Variants in OTC observed in about 807,000 individuals in gnomAD.
OTC encodes the protein ornithine transcarbamylase, mitochondrial.
Under a neutral mutation model 30.3 loss-of-function variants are expected in OTC, and 3 were observed. The ratio of observed to expected loss-of-function variants is 0.10; its 90% CI spans 0.05 to 0.26. The LOEUF is 0.26. Among genes scored for constraint, OTC ranks in the 10% least tolerant of loss-of-function variants. The pLI is 1.00. For synonymous variants in OTC, 111 were observed against 99.7 expected (o/e 1.11, Z -0.67); for missense variants, 194 against 260.3 (o/e 0.75, Z 1.75).
At chrX:38,422,086 T>G (rs1461114037), downstream of OTC, among the ~76,000 whole-genome samples, 1 of 112,127 alleles carries the variant, frequency 8.9e-6, no homozygotes, top group Non-Finnish European at 1.9e-5. Flanking sequence ...ATAAGTGAAG[T>G]TTTTTTAAAA....
chrX:38,384,652 C>T (rs916674775), intron 4 of OTC, among the ~76,000 whole-genome samples: 7 of 111,753 alleles, frequency 6.3e-5, no homozygotes, highest in Non-Finnish European at 1.9e-5. Flanking sequence ...CTGGCCCTTT[C>T]AAATCAAAAG....
At chrX:38,401,722 G>C (rs1011488521) in intron 5 of OTC, among the ~76,000 whole-genome samples, 14 of 111,507 alleles carry the variant, frequency 1.3e-4, no homozygotes, top group African/African-American at 4.2e-4. Flanking sequence ...TGAATGAATA[G>C]AGAACACTGG....
chrX:38,360,893 T>C (rs755353199), intron 1 of OTC, among the ~76,000 whole-genome samples: 40 of 112,350 alleles, frequency 3.6e-4, no homozygotes, highest in Non-Finnish European at 6.6e-4. Context: ...TCAAAGTCTG[T>C]TGGTGATTGG....
At chrX:38,373,391 T>C (rs1292406478) in intron 3 of OTC, among the ~76,000 whole-genome samples, 2 of 112,799 alleles carry the variant, frequency 1.8e-5, no homozygotes, top group African/African-American at 6.4e-5. Context: ...TCATGCCTCA[T>C]CCACTCTTTG....
the OTC span, among the ~76,000 whole-genome samples, chrX:38,327,967 T>G: frequency 8.9e-6 from 1 of 112,793 alleles, no homozygotes; most frequent in Non-Finnish European, 1.9e-5. Flanking sequence ...AAATGAGTAC[T>G]ATTACAACCC....
In OTC at chrX:38,401,386, G is replaced by T. The variant is rs759911602; in HGVS notation, c.498G>T (p.Leu166Phe). 65 of 1,205,859 alleles carry T rather than the reference G, an allele frequency of 5.4e-5. No individual in the cohort carries two copies. Among genetic ancestry groups the T allele is most frequent in the Admixed American group, 1.1e-4 (5 of 45,704 alleles). Residue 166 changes from leucine to phenylalanine, a missense_variant, in exon 5 of 10, where the codon TTG (leucine) becomes TTT (phenylalanine). Leu to Phe is a conservative substitution (Grantham distance 22). Transcript: ENST00000039007. ...CAATTATCAATGGGCTGTCAGATTT[G>T]TACCATCCTATCCAGATCCTGGCTG... ...SIPIINGLSD[L>F]YHPIQILADY...
the OTC span, among the ~76,000 whole-genome samples, chrX:38,334,804 C>G: frequency 9.0e-6 from 1 of 111,611 alleles, no homozygotes; most frequent in Non-Finnish European, 1.9e-5. Context: ...CTCTACCGGT[C>G]TGGTCCATGG....
intron 4 of OTC, among the ~76,000 whole-genome samples, chrX:38,387,538 G>T (rs1439072200): frequency 1.8e-5 from 2 of 111,514 alleles, no homozygotes; most frequent in African/African-American, 6.5e-5. Context: ...GGTGACTGAA[G>T]GGGAGCACTG....
At chrX:38,390,278 G>A (rs184278038) in intron 4 of OTC, among the ~76,000 whole-genome samples, 1 of 111,968 alleles carries the variant, frequency 8.9e-6, no homozygotes, top group Non-Finnish European at 1.9e-5. Context: ...TTCTTATGTT[G>A]ATATAACTAA....
At chrX:38,344,188 G>A in the OTC span, among the ~76,000 whole-genome samples, 1 of 104,868 alleles carries the variant, frequency 9.5e-6, no homozygotes, top group Non-Finnish European at 1.9e-5. Flanking sequence ...AAAAAATAAA[G>A]TAATTCTCAG....
chrX:38,352,331 A>G (rs191615506), upstream of OTC, among the ~76,000 whole-genome samples: 386 of 111,999 alleles, frequency 3.4e-3, 1 homozygote, highest in Non-Finnish European at 5.8e-3. Flanking sequence ...TCACCTTCAC[A>G]GCAGCCGGTA....
In OTC at chrX:38,380,279, G is replaced by C. The variant is rs1208599972; in HGVS notation, c.299-1063G>C. On this transcript the variant is annotated intron_variant, in intron 3 of 9. Coordinates refer to ENST00000039007, the MANE Select transcript of OTC (RefSeq NM_000531.6). Reference sequence around the variant, plus strand: ...TTCCCCAATTCACCGTGCAATTAATGATTTCTTCCCTGTTTATGGGAAACA... The same window carrying C: ...TTCCCCAATTCACCGTGCAATTAATCATTTCTTCCCTGTTTATGGGAAACA... Among the ~76,000 whole-genome samples, 3 of 112,223 alleles carry C rather than the reference G, an allele frequency of 2.7e-5. 1 individual carries two copies. The highest frequency in any genetic ancestry group is 5.6e-5 in the Non-Finnish European group (3 of 53,287).
chrX:38,405,773 T>C, intron 6 of OTC, among the ~76,000 whole-genome samples: 1 of 111,960 alleles, frequency 8.9e-6, no homozygotes. Context: ...TCAGATCCGA[T>C]ATGTGCTTAA....
At chrX:38,358,564 C>A (rs990156515) in intron 1 of OTC, among the ~76,000 whole-genome samples, 2 of 109,632 alleles carry the variant, frequency 1.8e-5, no homozygotes, top group African/African-American at 6.6e-5. Context: ...GGTGACTACT[C>A]TAATGATTTT....
chrX:38,339,476 G>A, the OTC span, among the ~76,000 whole-genome samples: 9 of 107,309 alleles, frequency 8.4e-5, no homozygotes, highest in South Asian at 3.3e-3. Flanking sequence ...TGTCACAGGG[G>A]TTCGTTGTAC....
In OTC at chrX:38,410,725, C is replaced by A. The variant is rs777975570; in HGVS notation, c.868-1137C>A. On this transcript the variant is annotated intron_variant, in intron 8 of 9. Coordinates refer to ENST00000039007, the MANE Select transcript of OTC (RefSeq NM_000531.6). ...ATAAATTGCTTCATACTTACACTTG[C>A]TTGGCCAATCTTATATGTGTTGCTG... Among the ~76,000 whole-genome samples, 12 of 111,901 alleles carry A rather than the reference C, an allele frequency of 1.1e-4. No individual in the cohort carries two copies. The East Asian group carries it at 2.5e-3, about 23-fold the overall frequency.
chrX:38,349,357 T>G (rs2068203725), upstream of OTC, among the ~76,000 whole-genome samples: 3 of 112,679 alleles, frequency 2.7e-5, no homozygotes. Context: ...CTGAAAAGCT[T>G]ATGTTGAAAT....
At chrX:38,392,991 G>T (rs2068436561) in intron 4 of OTC, among the ~76,000 whole-genome samples, 2 of 112,208 alleles carry the variant, frequency 1.8e-5, no homozygotes, top group African/African-American at 3.2e-5. Flanking sequence ...AGTCAACGGC[G>T]TAAATAGCCC....
At chrX:38,341,755 C>T in the OTC span, among the ~76,000 whole-genome samples, 2 of 110,663 alleles carry the variant, frequency 1.8e-5, no homozygotes, top group African/African-American at 6.6e-5. Context: ...CACAGAAGGA[C>T]AATAAAAGAT....
Sources: gnomAD v4.1 joint callset for allele counts (sites outside exome capture counted in the v4.1 genomes callset) on GRCh38, gnomAD v4.1.1 for gene constraint, MANE v1.5 for transcripts, NCBI Gene and HGNC (gene_info 2026-07-23, HGNC 2026-07-21) for gene names.